ACER1: variants seen among roughly 807,000 people sequenced by gnomAD.
ACER1 encodes the protein alkaline ceramidase 1.
Under a neutral mutation model 24.9 loss-of-function variants are expected in ACER1, and 28 were observed. The ratio of observed to expected loss-of-function variants is 1.13; its 90% CI spans 0.83 to 1.54. ACER1 has a LOEUF of 1.54. Ranked by LOEUF, ACER1 falls within the 40% of genes most tolerant of loss-of-function variation. ACER1 has a pLI of 0.00. For synonymous variants in ACER1, 132 were observed against 131.4 expected, an observed-to-expected ratio of 1.00 and a Z score of -0.03; for missense variants, 352 against 349.3, an observed-to-expected ratio of 1.01 and a Z score of -0.06.
Position 6,307,268 on chromosome 19 carries a change from G to C in ACER1, c.511C>G (p.His171Asp). ...YRKTSNKELR[H>D]LIEVSVVLWA... ...AAAACCACGGAGACCTCAATCAGGT[G>C]CCGAAGCTCCTTATTGCTGGTCCTA... is the stretch of plus-strand genomic sequence containing the variant. The change falls in exon 5 of 6, where the codon CAC (histidine) becomes GAC (aspartate). Residue 171 changes from histidine (H) to aspartate (D), a missense_variant. His to Asp is a moderately conservative substitution (Grantham distance 81, BLOSUM62 -1). Coordinates refer to ENST00000301452, the MANE Select transcript of ACER1 (RefSeq NM_133492.3). The C allele has an allele frequency of 6.2e-7, 1 of 1,614,046 alleles. No individual in the cohort carries two copies. Among genetic ancestry groups the C allele is most frequent in the Non-Finnish European group, 8.5e-7 (1 of 1,180,020 alleles).
chr19:6,342,056 T>G, the ACER1 span, among the ~76,000 whole-genome samples: 1 of 148,856 alleles, frequency 6.7e-6, no homozygotes, highest in Non-Finnish European at 1.5e-5. Flanking sequence ...ATGAACTTGT[T>G]TAAAGACAGT....
intron 3 of ACER1, among the ~76,000 whole-genome samples, chr19:6,311,743 G>A (rs1421565623): frequency 1.3e-5 from 2 of 151,684 alleles, no homozygotes; most frequent in Admixed American, 6.6e-5. Flanking sequence ...GTGGGAGTGG[G>A]GATCAATTAG....
At chr19:6,308,786 G>T (rs1246704884) in intron 4 of ACER1, among the ~76,000 whole-genome samples, 1 of 152,146 alleles carries the variant, frequency 6.6e-6, no homozygotes, top group Non-Finnish European at 1.5e-5. Flanking sequence ...TGAAATCTGG[G>T]AGAAATATGT....
At chr19:6,353,652 C>T in the ACER1 span, among the ~76,000 whole-genome samples, 2 of 150,946 alleles carry the variant, frequency 1.3e-5, no homozygotes, top group Non-Finnish European at 2.9e-5. Flanking sequence ...ATGCTGAAAC[C>T]CCATCTCTAC....
chr19:6,358,941 A>G, the ACER1 span, among the ~76,000 whole-genome samples: 2 of 151,412 alleles, frequency 1.3e-5, no homozygotes, highest in Non-Finnish European at 2.9e-5. Flanking sequence ...CTCAAAAAAA[A>G]AAAAAAAAAG....
At chr19:6,336,909 C>T (rs549027210), upstream of ACER1, among the ~76,000 whole-genome samples, 1 of 151,600 alleles carries the variant, frequency 6.6e-6, no homozygotes, top group African/African-American at 2.4e-5. Flanking sequence ...GGCATGGTGG[C>T]TCACCCCTGT....
chr19:6,310,576 GACA>G (rs770087381), intron 3 of ACER1, among the ~76,000 whole-genome samples: 5 of 148,610 alleles, frequency 3.4e-5, no homozygotes, highest in Admixed American at 6.7e-5. Flanking sequence ...TCTCAAAAAC[GACA>G]ACAAGAAAAA....
the ACER1 span, among the ~76,000 whole-genome samples, chr19:6,349,588 T>G: frequency 6.6e-6 from 1 of 152,080 alleles, no homozygotes; most frequent in Non-Finnish European, 1.5e-5. Context: ...GTATTGAGCA[T>G]GGACAAAGCC....
the ACER1 span, among the ~76,000 whole-genome samples, chr19:6,356,642 A>T: frequency 5.9e-5 from 9 of 151,810 alleles, no homozygotes; most frequent in African/African-American, 2.2e-4. Context: ...TCATAATTTT[A>T]CCTCCAAAAT....
chr19:6,307,122 G>A (rs779026098), intron 5 of ACER1, 31 bp downstream of exon 5: 27 of 1,610,554 alleles, frequency 1.7e-5, no homozygotes, highest in Non-Finnish European at 8.5e-7. Flanking sequence ...TCTGACTCTG[G>A]GCCCCCCACA....
intron 3 of ACER1, among the ~76,000 whole-genome samples, chr19:6,311,259 C>T (rs185578737): frequency 1.3e-3 from 194 of 152,002 alleles, no homozygotes; most frequent in Admixed American, 2.8e-3. Flanking sequence ...TGGGTTAAGC[C>T]GGGTTAGAAG....
At position 6,333,420 on chromosome 19, in the gene ACER1, G is replaced by C. The variant is rs577713451; in HGVS notation, c.93+39C>G. 4 of 1,499,698 alleles carry C rather than the reference G, an allele frequency of 2.7e-6. No homozygotes were observed. The African/African-American group carries it at 5.5e-5, about 21-fold the overall frequency. 92.9% of individuals were successfully genotyped at this position (1,499,698 alleles called of 1,614,324 possible). A position where few individuals can be genotyped will look rare whatever the true frequency, so the allele number is the denominator to read the frequency against. ...ATGGGGAGGAACCGGGATTCGAACC[G>C]GCATCTGGCGAGACTCCTTCACACA... is the stretch of plus-strand genomic sequence containing the variant. On this transcript the variant is annotated intron_variant, in intron 1 of 5. Coordinates refer to ENST00000301452, the MANE Select transcript of ACER1 (RefSeq NM_133492.3).
At chr19:6,359,000 GGCA>G in the ACER1 span, among the ~76,000 whole-genome samples, 1 of 151,444 alleles carries the variant, frequency 6.6e-6, no homozygotes, top group African/African-American at 2.4e-5. Context: ...GGAAGGCTGA[GGCA>G]GGAGGATCAC....
chr19:6,336,511 C>T (rs183060810), upstream of ACER1, among the ~76,000 whole-genome samples: 170 of 151,998 alleles, frequency 1.1e-3, no homozygotes, highest in Middle Eastern at 3.4e-3. Flanking sequence ...TGAGCTGACA[C>T]GATGTTTCCA....
chr19:6,343,395 C>G, the ACER1 span, among the ~76,000 whole-genome samples: 1 of 151,778 alleles, frequency 6.6e-6, no homozygotes, highest in Non-Finnish European at 1.5e-5. Flanking sequence ...CATCCCAACA[C>G]GTGACCTCCA....
At chr19:6,352,028 C>A in the ACER1 span, among the ~76,000 whole-genome samples, 1 of 150,596 alleles carries the variant, frequency 6.6e-6, no homozygotes, top group Non-Finnish European at 1.5e-5. Context: ...TGCACTCCAG[C>A]CTGGGCGACA....
the ACER1 span, among the ~76,000 whole-genome samples, chr19:6,344,369 G>T: frequency 6.6e-6 from 1 of 151,800 alleles, no homozygotes; most frequent in African/African-American, 2.4e-5. Context: ...TTGAACCCAG[G>T]AGGCAGAGGT....
chr19:6,356,072 C>T, the ACER1 span, among the ~76,000 whole-genome samples: 113 of 151,350 alleles, frequency 7.5e-4, 2 homozygotes, highest in Non-Finnish European at 1.4e-3. Flanking sequence ...GGATGGTTGC[C>T]ATGTCTGTGT....
chr19:6,316,056 A>G (rs1457447658), intron 1 of ACER1, among the ~76,000 whole-genome samples: 1 of 152,190 alleles, frequency 6.6e-6, no homozygotes, highest in Non-Finnish European at 1.5e-5. Context: ...TGAATCTGGG[A>G]GACAGAGGTT....
Sources: allele counts gnomAD v4.1 joint callset (sites outside exome capture counted in the v4.1 genomes callset), GRCh38; gene constraint gnomAD v4.1.1; transcripts MANE v1.5; gene names NCBI Gene and HGNC (gene_info 2026-07-23, HGNC 2026-07-21).